Variants in PAK3 observed in about 807,000 individuals in gnomAD.
PAK3 encodes p21 (RAC1) activated kinase 3, also known as serine/threonine-protein kinase PAK 3.
Under a neutral mutation model 41.0 loss-of-function variants are expected in PAK3, and 4 were observed. The observed-to-expected ratio is 0.10, with a 90% confidence interval of 0.05 to 0.22. PAK3 has a LOEUF of 0.22. Among genes scored for constraint, PAK3 ranks in the 10% least tolerant of loss-of-function variants. PAK3 has a pLI of 1.00. For missense variants in PAK3, 205 were observed against 409.9 expected (o/e 0.50, Z 4.32); for synonymous variants, 146 against 139.6 (o/e 1.05, Z -0.32).
At chrX:111,131,293 T>C (rs1006280085) in intron 5 of PAK3, among the ~76,000 whole-genome samples, 3 of 111,461 alleles carry the variant, frequency 2.7e-5, no homozygotes, top group African/African-American at 9.8e-5. Context: ...CTTAGATTCA[T>C]TCATGATCCA....
rs2093180112 is a variant in PAK3 at position 111,103,193 on chromosome X, T to C, written c.-141T>C. 1.8e-5 allele frequency: 2 copies of C among 111,824 alleles called. No homozygotes were observed. The highest frequency in any genetic ancestry group is 3.8e-5 in the Non-Finnish European group (2 of 53,134). The allele number at this position is 111,824 out of a possible 1,213,427, so 9.2% of individuals were successfully genotyped here. Reference sequence around the variant, plus strand: ...AAGAAAGAGCAGCTGAGTCCTTGCATCTTGTGGCAGCTGGTGTGCCCAGCA... The same window carrying C: ...AAGAAAGAGCAGCTGAGTCCTTGCACCTTGTGGCAGCTGGTGTGCCCAGCA... On this transcript the variant is annotated 5_prime_UTR_variant, in exon 4 of 18. Transcript: ENST00000372007.
chrX:111,065,260 C>G (rs1455785145), intron 1 of PAK3, among the ~76,000 whole-genome samples: 1 of 109,411 alleles, frequency 9.1e-6, no homozygotes, highest in African/African-American at 3.3e-5. Flanking sequence ...GGGTTTTTAT[C>G]ATGAAGGGAT....
chrX:111,219,035 C>T (rs2094904923), intron 17 of PAK3, among the ~76,000 whole-genome samples: 1 of 108,258 alleles, frequency 9.2e-6, no homozygotes, highest in Non-Finnish European at 1.9e-5. Flanking sequence ...ACTAAAAATA[C>T]AAAAATTAGC....
At chrX:111,006,975 A>G (rs1425212552) in intron 1 of PAK3, among the ~76,000 whole-genome samples, 1 of 106,834 alleles carries the variant, frequency 9.4e-6, no homozygotes, top group Non-Finnish European at 1.9e-5. Context: ...CTCCCAAACA[A>G]AATGTTGAGT....
chrX:111,160,690 C>G (rs1227346045), intron 8 of PAK3, among the ~76,000 whole-genome samples: 10 of 109,904 alleles, frequency 9.1e-5, no homozygotes, highest in Non-Finnish European at 1.7e-4. Context: ...TTGTTCAATT[C>G]CCACCTATGA....
intron 5 of PAK3, among the ~76,000 whole-genome samples, chrX:111,141,730 T>G (rs1357991889): frequency 8.9e-6 from 1 of 112,246 alleles, no homozygotes; most frequent in Non-Finnish European, 1.9e-5. Flanking sequence ...TCTAATAGTA[T>G]GCCTTAGCTT....
chrX:111,201,131 C>A (rs748269692), intron 16 of PAK3, among the ~76,000 whole-genome samples: 1 of 112,492 alleles, frequency 8.9e-6, no homozygotes, highest in South Asian at 3.6e-4. Flanking sequence ...TTGCTCATTA[C>A]TCTCTGTATG....
intron 4 of PAK3, among the ~76,000 whole-genome samples, chrX:111,122,775 T>C (rs891684507): frequency 6.3e-5 from 7 of 111,751 alleles, no homozygotes; most frequent in Non-Finnish European, 1.3e-4. Context: ...ACTAAAACAC[T>C]GTTAGTGGGG....
At chrX:111,149,629 T>G (rs2093998637) in intron 7 of PAK3, among the ~76,000 whole-genome samples, 1 of 112,492 alleles carries the variant, frequency 8.9e-6, no homozygotes. Context: ...TTCCACCCTC[T>G]GAAGTCACAG....
intron 4 of PAK3, among the ~76,000 whole-genome samples, chrX:111,118,641 G>T (rs1321669637): frequency 9.0e-6 from 1 of 110,837 alleles, no homozygotes; most frequent in Non-Finnish European, 1.9e-5. Context: ...TTTCTTCTGG[G>T]TTTGTTAGAT....
intron 5 of PAK3, among the ~76,000 whole-genome samples, chrX:111,129,829 G>T (rs1038230002): frequency 9.0e-6 from 1 of 111,552 alleles, no homozygotes; most frequent in African/African-American, 3.3e-5. Context: ...GAAGACAGAA[G>T]AGTGCTGTAT....
chrX:110,951,562 C>T (rs2090746098), intron 1 of PAK3, among the ~76,000 whole-genome samples: 1 of 112,084 alleles, frequency 8.9e-6, no homozygotes, highest in Admixed American at 9.5e-5. Context: ...CTCCTCCTGA[C>T]GTCTTCTGAT....
At chrX:111,100,618 G>A (rs2093111554) in intron 3 of PAK3, among the ~76,000 whole-genome samples, 1 of 111,334 alleles carries the variant, frequency 9.0e-6, no homozygotes, top group African/African-American at 3.3e-5. Context: ...GTTTCCTTTG[G>A]GCCTGAAAAA....
chrX:111,037,667 G>T (rs1384646520), intron 1 of PAK3, among the ~76,000 whole-genome samples: 1 of 111,516 alleles, frequency 9.0e-6, no homozygotes, highest in Non-Finnish European at 1.9e-5. Flanking sequence ...AAAGTTTGTT[G>T]TAAAATTAAA....
At chrX:111,216,399 A>T (rs1383515935) in intron 16 of PAK3, 22 bp from the exon 17 acceptor site, 3 of 1,152,851 alleles carry the variant, frequency 2.6e-6, no homozygotes, top group Non-Finnish European at 3.6e-6. Context: ...TGCTGAATGG[A>T]TTTTTCTATT....
chrX:111,192,455 A>C (rs1430085444), intron 12 of PAK3, 51 bp from the exon 13 acceptor site: 1 of 684,704 alleles, frequency 1.5e-6, no homozygotes, highest in South Asian at 2.2e-5. Context: ...ATGAATATTC[A>C]TGTTTATTAT....
chrX:111,103,426 G>C (rs1364090907), intron 4 of PAK3, 120 bp downstream of exon 4: 1 of 112,466 alleles, frequency 8.9e-6, no homozygotes, highest in Non-Finnish European at 1.9e-5. Flanking sequence ...AGGCCTCAGG[G>C]CATGACCCCT....
chrX:110,946,391 C>T (rs1332111051), intron 1 of PAK3, among the ~76,000 whole-genome samples: 1 of 110,084 alleles, frequency 9.1e-6, no homozygotes, highest in East Asian at 2.8e-4. Flanking sequence ...TTGATAAAGA[C>T]CACAACACAT....
chrX:110,994,323 GA>G lies in PAK3; in HGVS notation c.-28+49699del, dbSNP rs754310659. On this transcript the variant is annotated intron_variant, in intron 1 of 14. Coordinates refer to the PAK3 transcript ENST00000425146. ...TTACTACTCATCATGGTTTGAGTTTGAAAATCTATACTTGCCCTACTTTCGA... is the reference window on the plus strand; with the variant it reads ...TTACTACTCATCATGGTTTGAGTTTGAAATCTATACTTGCCCTACTTTCGA... Among the ~76,000 whole-genome samples the G allele has an allele frequency of 2.3e-3, 253 of 111,907 alleles. 2 individuals are homozygous for G. Among genetic ancestry groups the G allele is most frequent in the African/African-American group, 7.6e-3 (234 of 30,874 alleles).
Sources: gnomAD v4.1 joint callset for allele counts (sites outside exome capture counted in the v4.1 genomes callset) on GRCh38, gnomAD v4.1.1 for gene constraint, MANE v1.5 for transcripts, NCBI Gene and HGNC (gene_info 2026-07-23, HGNC 2026-07-21) for gene names.